Variants in FRAS1 observed in about 807,000 individuals in gnomAD.
The protein encoded by FRAS1 is extracellular matrix organizing protein FRAS1.
In FRAS1, 290 loss-of-function variants were observed where a neutral mutation model predicts 435.2. The ratio of observed to expected loss-of-function variants is 0.67; its 90% CI spans 0.61 to 0.73. FRAS1 has a LOEUF of 0.73. Among genes scored for constraint, FRAS1 ranks in the 30% least tolerant of loss-of-function variants. The pLI, the probability that FRAS1 is intolerant of heterozygous loss-of-function variation, is 0.00. For synonymous variants in FRAS1, 1,800 were observed against 1,851.0 expected, an observed-to-expected ratio of 0.97 and a Z score of 0.71; for missense variants, 4,860 against 5,001.5, an observed-to-expected ratio of 0.97 and a Z score of 0.85.
chr4:78,368,593 C>G (rs955544949), intron 22 of FRAS1, among the ~76,000 whole-genome samples: 1 of 152,116 alleles, frequency 6.6e-6, no homozygotes, highest in East Asian at 1.9e-4. Flanking sequence ...TTACAAGGAA[C>G]AAAACAGACC....
chr4:78,451,872 A>G lies in FRAS1; in HGVS notation c.6564A>G (p.Ser2188=). 3 of 1,612,544 alleles carry G rather than the reference A, an allele frequency of 1.9e-6. No homozygotes were observed. Among genetic ancestry groups the G allele is most frequent in the African/African-American group, 1.3e-5 (1 of 74,996 alleles). ...AAGGCAACAGATTGATTGACAAGTC[A>G]TTTTCCATCAGCATTCTAGGTAAAG... ...DGEGNRLIDK[S]FSISILEDKS... Residue 2188 remains serine (S), a synonymous_variant, in exon 46 of 74, where the codon TCA becomes TCG. Coordinates refer to ENST00000512123, the MANE Select transcript of FRAS1 (RefSeq NM_025074.7).
At chr4:78,388,558 G>A (rs1578292302) in intron 29 of FRAS1, among the ~76,000 whole-genome samples, 1 of 152,104 alleles carries the variant, frequency 6.6e-6, no homozygotes, top group South Asian at 2.1e-4. Context: ...AGCACTTTGG[G>A]AGGTTGAGGT....
chr4:78,268,040 T>A (rs1348723899), intron 9 of FRAS1, among the ~76,000 whole-genome samples: 1 of 152,246 alleles, frequency 6.6e-6, no homozygotes, highest in Non-Finnish European at 1.5e-5. Flanking sequence ...ATGTACTGTA[T>A]GTTGGAGGGA....
chr4:78,264,842 A>C, intron 6 of FRAS1, 183 bp from the exon 7 acceptor site: 1 of 687,316 alleles, frequency 1.5e-6, no homozygotes, highest in South Asian at 1.5e-5. Context: ...TTAAGGGCAC[A>C]CTGACCTTGG....
intron 2 of FRAS1, among the ~76,000 whole-genome samples, chr4:78,142,068 AC>A (rs1232685197): frequency 6.6e-6 from 1 of 152,114 alleles, no homozygotes; most frequent in Non-Finnish European, 1.5e-5. Context: ...CCAAAATCTC[AC>A]AAATCACCAC....
At position 78,499,895 on chromosome 4, in the gene FRAS1, A is replaced by G. The variant is rs745558777; in HGVS notation, c.9290A>G (p.Lys3097Arg). ...CAGTCTGGTGTGGATTATTACCCAA[A>G]GAGCCGAGTCTTGAAGTTCAGTCCC... Reference protein sequence around the residue: ...SAQSGVDYYPKSRVLKFSPGV... With the variant: ...SAQSGVDYYPRSRVLKFSPGV... Residue 3097 changes from lysine to arginine, a missense_variant, in exon 61 of 74, where the codon AAG becomes AGG. Coordinates refer to ENST00000512123, the MANE Select transcript of FRAS1 (RefSeq NM_025074.7). 1 of 1,580,708 alleles carries G rather than the reference A, an allele frequency of 6.3e-7. No homozygotes were observed. The highest frequency in any genetic ancestry group is 8.6e-7 in the Non-Finnish European group (1 of 1,156,908).
chr4:78,068,647 T>G (rs1740178260), intron 2 of FRAS1: 3 of 455,786 alleles, frequency 6.6e-6, no homozygotes, highest in African/African-American at 4.0e-5. Context: ...TGTGCTTGTT[T>G]CCAGGGAAAC....
At chr4:78,220,518 TA>T (rs1022263723) in intron 2 of FRAS1, among the ~76,000 whole-genome samples, 19 of 152,170 alleles carry the variant, frequency 1.2e-4, no homozygotes, top group African/African-American at 4.1e-4. Flanking sequence ...CAGGCAGTTC[TA>T]AAAAAATATG....
At chr4:78,139,111 G>C (rs890820642) in intron 2 of FRAS1, among the ~76,000 whole-genome samples, 3 of 152,216 alleles carry the variant, frequency 2.0e-5, no homozygotes, top group African/African-American at 7.2e-5. Context: ...TTGGAGGTAA[G>C]TGTTCAGCCC....
chr4:78,490,893 AATAG>A (rs1403968508), intron 59 of FRAS1, among the ~76,000 whole-genome samples: 13 of 152,310 alleles, frequency 8.5e-5, no homozygotes, highest in South Asian at 6.2e-4. Flanking sequence ...AGATTAACCA[AATAG>A]ATAGACCATT....
At chr4:78,455,325 G>A (rs1008453476) in intron 47 of FRAS1, among the ~76,000 whole-genome samples, 33 of 152,230 alleles carry the variant, frequency 2.2e-4, no homozygotes, top group Middle Eastern at 3.4e-3. Flanking sequence ...TGGCCTCCCT[G>A]AAGGCAGTTG....
chr4:78,426,479 G>A (rs1734002753), intron 35 of FRAS1, among the ~76,000 whole-genome samples: 2 of 152,118 alleles, frequency 1.3e-5, no homozygotes, highest in Admixed American at 1.3e-4. Flanking sequence ...TCGTTTTGGA[G>A]AGTTTTGTGA....
chr4:78,370,958 A>G (rs1731478305), intron 23 of FRAS1, among the ~76,000 whole-genome samples: 1 of 152,164 alleles, frequency 6.6e-6, no homozygotes. Flanking sequence ...GTGGTCAAAC[A>G]TCTGTCAAGT....
chr4:78,485,604 C>T (rs183878300), intron 58 of FRAS1, among the ~76,000 whole-genome samples: 4 of 152,252 alleles, frequency 2.6e-5, no homozygotes, highest in Non-Finnish European at 4.4e-5. Flanking sequence ...CTAGTAATAA[C>T]GAACTTTTGT....
intron 50 of FRAS1, among the ~76,000 whole-genome samples, chr4:78,468,985 G>C (rs553003005): frequency 5.9e-5 from 9 of 152,336 alleles, no homozygotes; most frequent in African/African-American, 1.7e-4. Context: ...TGGTATGTCG[G>C]TGGGATGGCT....
At chr4:78,228,188 A>G (rs191512365) in intron 2 of FRAS1, among the ~76,000 whole-genome samples, 1,769 of 152,272 alleles carry the variant, frequency 0.012, 14 homozygotes, top group Non-Finnish European at 0.018. Flanking sequence ...TTTTTCCCCC[A>G]TTTCCCTTAG....
chr4:78,173,791 C>T (rs73829482), intron 2 of FRAS1, among the ~76,000 whole-genome samples: 3,287 of 152,278 alleles, frequency 0.022, 125 homozygotes, highest in African/African-American at 0.076. Flanking sequence ...TAATTTCTTA[C>T]TGGGAGGCTA....
At chr4:78,452,024 C>A in intron 46 of FRAS1, 133 bp downstream of exon 46, 1 of 1,234,772 alleles carries the variant, frequency 8.1e-7, no homozygotes, top group Non-Finnish European at 1.1e-6. Flanking sequence ...AATCATACCC[C>A]CTTTATTGCA....
intron 3 of FRAS1, among the ~76,000 whole-genome samples, chr4:78,242,102 G>C (rs889365917): frequency 6.6e-6 from 1 of 152,188 alleles, no homozygotes; most frequent in Non-Finnish European, 1.5e-5. Flanking sequence ...ATTCCACAGA[G>C]CTTTTGGGCT....
Sources: gnomAD v4.1 joint callset for allele counts (sites outside exome capture counted in the v4.1 genomes callset) on GRCh38, gnomAD v4.1.1 for gene constraint, MANE v1.5 for transcripts, NCBI Gene and HGNC (gene_info 2026-07-23, HGNC 2026-07-21) for gene names.